The following ROS1 variants were observed in gnomAD, a reference collection of about 807,000 sequenced individuals.
ROS1 encodes ROS proto-oncogene 1, receptor tyrosine kinase, also known as proto-oncogene tyrosine-protein kinase ROS.
In ROS1, 263 loss-of-function variants were observed where a neutral mutation model predicts 273.5. The ratio of observed to expected loss-of-function variants is 0.96; its 90% confidence interval spans 0.87 to 1.06. The LOEUF is 1.06. ROS1 is among the 50% of genes least tolerant of loss of function. The probability of loss-of-function intolerance (pLI) is 0.00; values close to 1 mark genes in which losing one functional copy is unlikely to be tolerated. For missense variants in ROS1, 2,833 were observed against 2,751.1 expected (o/e 1.03, Z -0.67); for synonymous variants, 1,008 against 954.1 (o/e 1.06, Z -1.04).
At chr6:117,376,886 T>C (rs2128680857) in intron 18 of ROS1, among the ~76,000 whole-genome samples, 1 of 152,204 alleles carries the variant, frequency 6.6e-6, no homozygotes, top group East Asian at 1.9e-4. Context: ...TAGAAATTAG[T>C]GAGATGATTT....
intron 18 of ROS1, among the ~76,000 whole-genome samples, chr6:117,371,638 T>C (rs978569036): frequency 1.3e-5 from 2 of 151,476 alleles, no homozygotes; most frequent in African/African-American, 4.9e-5. Context: ...AGGTGGGAGG[T>C]ATGAAACCTG....
At chr6:117,378,979 A>G in intron 18 of ROS1, 80 bp downstream of exon 18, 1 of 845,854 alleles carries the variant, frequency 1.2e-6, no homozygotes, top group Non-Finnish European at 1.9e-6. Flanking sequence ...TATTGAAGGA[A>G]TAAATGAATT....
chr6:117,416,464 C>G lies in ROS1; in HGVS notation c.169-147G>C. 3 of 635,512 alleles carry G rather than the reference C, an allele frequency of 4.7e-6. No individual in the cohort carries two copies. The East Asian group carries it at 8.2e-5, about 17-fold the overall frequency. 39.4% of individuals were successfully genotyped at this position (635,512 alleles called of 1,614,324 possible). A position where few individuals can be genotyped will look rare whatever the true frequency, so the allele number is the denominator to read the frequency against. ...AAGAAACCTGAGGCCTCCAAAAGAT[C>G]CAGGATTTTGGGATTCCAAACAGAG... On this transcript the variant is annotated intron_variant, in intron 2 of 43. Coordinates refer to ENST00000368507, the MANE Select transcript of ROS1 (RefSeq NM_001378902.1).
rs767519397 is a variant in ROS1, at chr6:117,404,404, G to A, written c.341C>T (p.Pro114Leu). 2 of 1,613,814 alleles carry A rather than the reference G, an allele frequency of 1.2e-6. No homozygotes were observed. ...VLENADLPTAPFASSIGSHNM... is the reference protein window; with the variant it reads ...VLENADLPTALFASSIGSHNM... Reference sequence around the variant, plus strand: ...GTGGCTTCCAATGGAAGAAGCAAAGGGAGCAGTTGGTAGGTCTGCATTTTC... The same window carrying A: ...GTGGCTTCCAATGGAAGAAGCAAAGAGAGCAGTTGGTAGGTCTGCATTTTC... The change falls in exon 6 of 44, where the codon CCC (proline) becomes CTC (leucine). Residue 114 changes from proline (P) to leucine (L), a missense_variant. Coordinates refer to ENST00000368507, the MANE Select transcript of ROS1 (RefSeq NM_001378902.1).
chr6:117,361,111 A>G (rs1410770657), intron 22 of ROS1, among the ~76,000 whole-genome samples: 2 of 152,164 alleles, frequency 1.3e-5, no homozygotes, highest in Non-Finnish European at 2.9e-5. Flanking sequence ...TGACGTATGT[A>G]GAAACTGGCA....
intron 42 of ROS1, 123 bp downstream of exon 42, chr6:117,308,671 G>C: frequency 2.4e-6 from 2 of 827,590 alleles, no homozygotes; most frequent in South Asian, 2.1e-5. Flanking sequence ...TTTTATGTGG[G>C]GTATACAATA....
chr6:117,318,103 A>C, intron 38 of ROS1, 85 bp downstream of exon 38: 1 of 927,950 alleles, frequency 1.1e-6, no homozygotes, highest in South Asian at 1.4e-5. Flanking sequence ...TGATCCGTTA[A>C]GTCATGTCAT....
chr6:117,370,990 T>TA (rs1780716237), intron 18 of ROS1, among the ~76,000 whole-genome samples: 1 of 152,140 alleles, frequency 6.6e-6, no homozygotes. Context: ...TTAGATTGTG[T>TA]AAAAAAGCAA....
chr6:117,394,309 G>A lies in ROS1; in HGVS notation c.1044C>T (p.Phe348=), dbSNP rs2128712992. The A allele has an allele frequency of 5.6e-6, 9 of 1,606,142 alleles. No homozygotes were observed. The highest frequency in any genetic ancestry group is 7.6e-6 in the Non-Finnish European group (9 of 1,178,028). Residue 348 remains phenylalanine, a synonymous_variant, in exon 11 of 44, where the codon TTC becomes TTT. Coordinates refer to ENST00000368507, the MANE Select transcript of ROS1 (RefSeq NM_001378902.1). ...SVDVHQQIVY[F]SEGTLIWAKK... ...TCGCCCATATGAGAGTTCCTTCAGAGAAATAAACAATTTGCTGGTGGACAT... is the reference window on the plus strand; with the variant it reads ...TCGCCCATATGAGAGTTCCTTCAGAAAAATAAACAATTTGCTGGTGGACAT...
chr6:117,422,933 A>G (rs1582915290), intron 1 of ROS1, among the ~76,000 whole-genome samples: 1 of 152,298 alleles, frequency 6.6e-6, no homozygotes, highest in East Asian at 1.9e-4. Context: ...AATCCATTCA[A>G]TAAATTGATA....
intron 11 of ROS1, 42 bp from the exon 12 acceptor site, chr6:117,393,363 T>C (rs745389796): frequency 8.3e-6 from 10 of 1,209,848 alleles, no homozygotes; most frequent in African/African-American, 1.5e-5. Context: ...AGCATCTGTC[T>C]ATACAGCATT....
At chr6:117,396,315 C>T (rs760907302) in intron 8 of ROS1, 51 bp from the exon 9 acceptor site, 1 of 1,261,772 alleles carries the variant, frequency 7.9e-7, no homozygotes, top group Non-Finnish European at 1.2e-6. Context: ...ATGGTGTGAA[C>T]ATGAGATAAA....
chr6:117,318,300 G>C (rs760663212), intron 37 of ROS1, 48 bp from the exon 38 acceptor site: 7 of 1,334,822 alleles, frequency 5.2e-6, no homozygotes. Context: ...AGACATTTCT[G>C]TGAGCTCAGT....
At chr6:117,408,399 C>T (rs1344390311) in intron 5 of ROS1, among the ~76,000 whole-genome samples, 25 of 152,186 alleles carry the variant, frequency 1.6e-4, no homozygotes, top group African/African-American at 3.1e-4. Flanking sequence ...AAAAAGTGGG[C>T]GAAGGATACG....
At chr6:117,377,304 TTTCACCAC>T (rs1781415087) in intron 18 of ROS1, among the ~76,000 whole-genome samples, 1 of 151,840 alleles carries the variant, frequency 6.6e-6, no homozygotes, top group Non-Finnish European at 1.5e-5. Flanking sequence ...AGAGACGGAG[TTTCACCAC>T]GTTGGTCAGG....
Position 117,379,135 on chromosome 6 carries a change from T to C in ROS1, c.2506A>G (p.Ser836Gly). The C allele has an allele frequency of 6.2e-7, 1 of 1,612,410 alleles. No homozygotes were observed. Among genetic ancestry groups the C allele is most frequent in the South Asian group, 1.1e-5 (1 of 91,024 alleles). ...KKVIALTLDL[S>G]DGLLYWLVQD... ...ACCAACCAATACAGGAGCCCATCAC[T>C]GAGGTCTAAAGTTAGAGCAATTACC... is the stretch of plus-strand genomic sequence containing the variant. The change falls in exon 18 of 44, where the codon AGT becomes GGT. Residue 836 changes from serine (S) to glycine (G), a missense_variant. Coordinates refer to ENST00000368507, the MANE Select transcript of ROS1 (RefSeq NM_001378902.1).
In ROS1 at chr6:117,318,134, C is replaced by G. The variant is rs910572742; in HGVS notation, c.5987+54G>C. 3.0e-6 allele frequency: 4 copies of G among 1,336,824 alleles called. No homozygotes were observed. In the Admixed American group the frequency reaches 6.8e-5, roughly 23 times the overall value. 82.8% of individuals were successfully genotyped at this position (1,336,824 alleles called of 1,614,324 possible). ...GTCATTTTGGGTGTTAAAAATAAGT[C>G]AAGCGGACTTAAAACTTCTTACCCA... On this transcript the variant is annotated intron_variant, in intron 38 of 43. Transcript: ENST00000368507.
At chr6:117,394,113 T>C in intron 11 of ROS1, 49 bp downstream of exon 11, 1 of 1,214,132 alleles carries the variant, frequency 8.2e-7, no homozygotes, top group South Asian at 1.5e-5. Flanking sequence ...AAGATATGCA[T>C]ATCAGTATCA....
intron 24 of ROS1, 31 bp downstream of exon 24, chr6:117,359,778 T>C: frequency 6.3e-7 from 1 of 1,578,956 alleles, no homozygotes; most frequent in Non-Finnish European, 8.7e-7. Context: ...CTTCACTTCC[T>C]TTATTTCGGA....
Sources: gnomAD v4.1 joint callset for allele counts (sites outside exome capture counted in the v4.1 genomes callset) on GRCh38, gnomAD v4.1.1 for gene constraint, MANE v1.5 for transcripts, NCBI Gene and HGNC (gene_info 2026-07-23, HGNC 2026-07-21) for gene names.